Variants in MOXD1 observed in about 807,000 individuals in gnomAD.
The protein encoded by MOXD1 is monooxygenase DBH like 1.
MOXD1 carries 62 observed loss-of-function variants against 66.6 expected under a neutral mutation model. The ratio of observed to expected loss-of-function variants is 0.93; its 90% confidence interval spans 0.76 to 1.15. The LOEUF is 1.15. Among genes scored for constraint, MOXD1 ranks in the 50% most tolerant of loss-of-function variants. The pLI is 0.00. For synonymous variants in MOXD1, 303 were observed against 281.9 expected, an observed-to-expected ratio of 1.07 and a Z score of -0.75; for missense variants, 847 against 754.6, an observed-to-expected ratio of 1.12 and a Z score of -1.44.
At chr6:132,342,351 C>T (rs569865779) in intron 4 of MOXD1, among the ~76,000 whole-genome samples, 44 of 152,346 alleles carry the variant, frequency 2.9e-4, no homozygotes, top group African/African-American at 1.1e-3. Flanking sequence ...GTGTCTAGCA[C>T]ATAATTTGTT....
At chr6:132,333,920 C>T (rs1380671982) in intron 4 of MOXD1, among the ~76,000 whole-genome samples, 2 of 152,188 alleles carry the variant, frequency 1.3e-5, no homozygotes, top group Non-Finnish European at 2.9e-5. Flanking sequence ...CAGTCTCTTC[C>T]ATTAGATCAA....
chr6:132,344,607 C>T (rs946289125), intron 4 of MOXD1, among the ~76,000 whole-genome samples: 2 of 152,190 alleles, frequency 1.3e-5, no homozygotes, highest in African/African-American at 2.4e-5. Context: ...TTTGATTGAT[C>T]CCCACCCTTC....
chr6:132,323,967 C>T lies in MOXD1; in HGVS notation c.1077G>A (p.Gln359=), dbSNP rs767915383. ...ACTCCAAAGTGCAGTGACCCTCAGA[C>T]TGGAACTCAGGCATCCCTGGAGGGA... ...HTIPPGMPEF[Q]SEGHCTLECL... The change falls in exon 7 of 12, where the codon CAG becomes CAA. Residue 359 remains glutamine, a synonymous_variant. Transcript: ENST00000367963. 1.2e-6 allele frequency: 2 copies of T among 1,613,756 alleles called. No individual in the cohort carries two copies. Among genetic ancestry groups the T allele is most frequent in the Non-Finnish European group, 1.7e-6 (2 of 1,179,896 alleles).
At chr6:132,311,905 A>C (rs886916409) in intron 10 of MOXD1, among the ~76,000 whole-genome samples, 1 of 152,122 alleles carries the variant, frequency 6.6e-6, no homozygotes, top group Non-Finnish European at 1.5e-5. Flanking sequence ...AGCACGTGTG[A>C]GTTTTAAATA....
At chr6:132,306,274 G>C (rs1774686158) in intron 10 of MOXD1, among the ~76,000 whole-genome samples, 1 of 151,464 alleles carries the variant, frequency 6.6e-6, no homozygotes, top group Non-Finnish European at 1.5e-5. Flanking sequence ...GAGTTTGAAG[G>C]CCACCTTGCT....
At chr6:132,346,895 A>G (rs1582585774) in intron 4 of MOXD1, among the ~76,000 whole-genome samples, 1 of 152,218 alleles carries the variant, frequency 6.6e-6, no homozygotes, top group Non-Finnish European at 1.5e-5. Context: ...TGAGTCTCTC[A>G]TCCAACAAGC....
intron 10 of MOXD1, among the ~76,000 whole-genome samples, chr6:132,303,718 C>CACACACACAT (rs1326009050): frequency 1.4e-5 from 2 of 143,634 alleles, no homozygotes; most frequent in East Asian, 2.1e-4. Context: ...TACACACACA[C>CACACACACAT]ACACACACAC....
chr6:132,379,915 G>T (rs972672532), intron 1 of MOXD1, among the ~76,000 whole-genome samples: 24 of 151,992 alleles, frequency 1.6e-4, no homozygotes, highest in Admixed American at 3.9e-4. Flanking sequence ...CATCCTCCTG[G>T]GTTCAATTTT....
intron 4 of MOXD1, among the ~76,000 whole-genome samples, chr6:132,354,727 TAGCGTTTGTCTTC>T (rs1775876881): frequency 6.6e-6 from 1 of 152,168 alleles, no homozygotes; most frequent in Non-Finnish European, 1.5e-5. Context: ...CAAGAGTATA[TAGCGTTTGTCTTC>T]AGCTACCAGG....
intron 2 of MOXD1, among the ~76,000 whole-genome samples, chr6:132,374,393 T>A (rs1329441426): frequency 1.3e-5 from 2 of 151,996 alleles, no homozygotes; most frequent in African/African-American, 4.8e-5. Flanking sequence ...TTTAAAGGGA[T>A]CTTCAAAATG....
chr6:132,401,367 G>GC lies in MOXD1; in HGVS notation c.59dup (p.Ser21LeufsTer76). 24 of 1,546,192 alleles carry GC rather than the reference G, an allele frequency of 1.6e-5. No homozygotes were observed. Among genetic ancestry groups the GC allele is most frequent in the Non-Finnish European group, 2.0e-5 (23 of 1,152,244 alleles). On this transcript the variant is annotated frameshift_variant, in exon 1 of 12. Coordinates refer to ENST00000367963, the MANE Select transcript of MOXD1 (RefSeq NM_015529.4). LOFTEE classifies it high-confidence loss of function. ...TCCGGTGCGGATAGGTTCGGCCCGA[G>GC]CCCCCCGCCGCCGTCCCGGGGAGCA...
intron 8 of MOXD1, among the ~76,000 whole-genome samples, chr6:132,321,364 CATAG>C (rs910338161): frequency 4.6e-5 from 7 of 152,070 alleles, no homozygotes; most frequent in African/African-American, 1.7e-4. Flanking sequence ...AAACCTCAGA[CATAG>C]ATAGTAGTTA....
intron 10 of MOXD1, 78 bp downstream of exon 10, chr6:132,315,557 T>G: frequency 6.9e-7 from 1 of 1,442,592 alleles, no homozygotes; most frequent in African/African-American, 1.4e-5. Context: ...TATAATGTGG[T>G]AATGGATCCA....
rs1776289093 is a variant in MOXD1, at chr6:132,372,673, CTT to C, written c.596_597del (p.Lys199ArgfsTer10). 1 of 1,613,716 alleles carries C rather than the reference CTT, an allele frequency of 6.2e-7. No homozygotes were observed. The highest frequency in any genetic ancestry group is 8.5e-7 in the Non-Finnish European group (1 of 1,179,838). On this transcript the variant is annotated frameshift_variant, in exon 4 of 12. Coordinates refer to ENST00000367963, the MANE Select transcript of MOXD1 (RefSeq NM_015529.4). LOFTEE classifies it high-confidence loss of function. ...LVNQDVPIPN[K>X]DTTYWCQMFK... ...AACATTTGGCACCAATATGTTGTAT[CTT>C]TGTTTGGGATGGGGACCTGTCTTAA...
Position 132,323,366 on chromosome 6 carries a change from T to C in MOXD1, c.1114-496A>G, listed in dbSNP as rs9388982. Among the ~76,000 whole-genome samples, 107 of 152,294 alleles carry C rather than the reference T, an allele frequency of 7.0e-4. No individual in the cohort carries two copies. The East Asian group carries it at 0.019, about 27-fold the overall frequency. On this transcript the variant is annotated intron_variant, in intron 7 of 11. Transcript: ENST00000367963. ...ACTCAGAAGAGCATAATCTTTCCACTTCACCAGTCTGCCATACTGTCCTCA... is the reference window on the plus strand; with the variant it reads ...ACTCAGAAGAGCATAATCTTTCCACCTCACCAGTCTGCCATACTGTCCTCA...
At chr6:132,339,087 C>A (rs935971232) in intron 4 of MOXD1, among the ~76,000 whole-genome samples, 5 of 152,094 alleles carry the variant, frequency 3.3e-5, no homozygotes, top group African/African-American at 1.2e-4. Flanking sequence ...AATGATATTG[C>A]AAACTATGTA....
chr6:132,303,878 T>TATAC (rs1419197015), intron 10 of MOXD1, among the ~76,000 whole-genome samples: 14 of 45,640 alleles, frequency 3.1e-4, no homozygotes, highest in East Asian at 5.9e-4. Flanking sequence ...TATATATATA[T>TATAC]ACATATATAC....
At chr6:132,317,505 G>A (rs1382652029) in intron 9 of MOXD1, among the ~76,000 whole-genome samples, 1 of 152,020 alleles carries the variant, frequency 6.6e-6, no homozygotes, top group Non-Finnish European at 1.5e-5. Flanking sequence ...TCCTACTGTA[G>A]GGAGTAAAAT....
At position 132,320,633 on chromosome 6, in the gene MOXD1, G is replaced by A; in HGVS notation, c.1361C>T (p.Thr454Ile). The A allele has an allele frequency of 6.2e-7, 1 of 1,604,464 alleles. No homozygotes were observed. The change falls in exon 9 of 12, where the codon ACT becomes ATT. Residue 454 changes from threonine (T) to isoleucine (I), a missense_variant. By Grantham distance (89) the Thr-to-Ile change is moderately conservative. Transcript: ENST00000367963. Reference protein sequence around the residue: ...RYNTKDRAEMTWGGLSTRSEM... With the variant: ...RYNTKDRAEMIWGGLSTRSEM... ...TAATAATAAAAGTTTTCTTACCCAA[G>A]TCATCTCAGCTCTATCTTTCGTGTT...
Sources: gnomAD v4.1 joint callset for allele counts (sites outside exome capture counted in the v4.1 genomes callset) on GRCh38, gnomAD v4.1.1 for gene constraint, MANE v1.5 for transcripts, NCBI Gene and HGNC (gene_info 2026-07-23, HGNC 2026-07-21) for gene names.